The following ITGA6 variants were observed in gnomAD, a reference collection of about 807,000 sequenced individuals.
ITGA6 encodes the protein integrin alpha-6.
A neutral mutation model predicts 133.6 loss-of-function variants in ITGA6; 63 were observed. The ratio of observed to expected loss-of-function variants is 0.47; its 90% CI spans 0.38 to 0.58. The LOEUF is 0.58. Among genes scored for constraint, ITGA6 ranks in the 20% least tolerant of loss-of-function variants. ITGA6 has a pLI of 0.00. For synonymous variants in ITGA6, 434 were observed against 482.0 expected, an observed-to-expected ratio of 0.90 and a Z score of 1.30; for missense variants, 1,068 against 1,309.4, an observed-to-expected ratio of 0.82 and a Z score of 2.85.
At chr2:172,457,891 G>A (rs1173343975) in intron 1 of ITGA6, among the ~76,000 whole-genome samples, 1 of 152,208 alleles carries the variant, frequency 6.6e-6, no homozygotes, top group Admixed American at 6.5e-5. Context: ...TAGAGATTAT[G>A]AAGAAGCAGA....
chr2:172,430,569 G>T (rs3108779), intron 1 of ITGA6, among the ~76,000 whole-genome samples: 79,366 of 152,044 alleles, frequency 0.52, 21,009 homozygotes, highest in East Asian at 0.74. Context: ...TATCATAAAT[G>T]TTTGTAGTTC....
At chr2:172,465,691 C>G in intron 2 of ITGA6, 28 bp downstream of exon 2, 1 of 1,614,040 alleles carries the variant, frequency 6.2e-7, no homozygotes, top group Non-Finnish European at 8.5e-7. Context: ...ACTCAGCGTT[C>G]ACTCCGGCAG....
In ITGA6 at chr2:172,491,070, T is replaced by A; in HGVS notation, c.2726T>A (p.Ile909Lys). ...RKKREITEKQIDDNRKFSLFA... is the reference protein window; with the variant it reads ...RKKREITEKQKDDNRKFSLFA... ...AAACGGGAAATTACTGAAAAACAGATAGATGATAACAGAAAATTTTCTTTA... is the reference window on the plus strand; with the variant it reads ...AAACGGGAAATTACTGAAAAACAGAAAGATGATAACAGAAAATTTTCTTTA... The change falls in exon 21 of 26, where the codon ATA becomes AAA. Residue 909 changes from isoleucine to lysine, a missense_variant. By Grantham distance (102) the Ile-to-Lys change is moderately radical. This residue lies in a region of ITGA6 where 609 missense variants were observed against 707.2 expected (regional missense o/e 0.86). Coordinates refer to ENST00000684293, the MANE Select transcript of ITGA6 (RefSeq NM_000210.4). This position sits in a 1 kb window ranked among gnomAD's most constrained non-coding sequence, Gnocchi z 4.4. 1 of 1,594,552 alleles carries A rather than the reference T, an allele frequency of 6.3e-7. No homozygotes were observed. Among genetic ancestry groups the A allele is most frequent in the Non-Finnish European group, 8.6e-7 (1 of 1,162,440 alleles).
chr2:172,427,429 T>C (rs185356186), upstream of ITGA6: 3,323 of 1,031,236 alleles, frequency 3.2e-3, 78 homozygotes, highest in African/African-American at 0.048. Context: ...CGTCGTGGCT[T>C]CCGGGCAGGT....
At chr2:172,471,915 G>T (rs1438938064) in intron 5 of ITGA6, among the ~76,000 whole-genome samples, 3 of 147,564 alleles carry the variant, frequency 2.0e-5, no homozygotes, top group African/African-American at 7.6e-5. Context: ...AAAAGAAAGT[G>T]AAGAAAAGTA....
chr2:172,452,473 G>A (rs1685047773), intron 1 of ITGA6, among the ~76,000 whole-genome samples: 1 of 152,156 alleles, frequency 6.6e-6, no homozygotes, highest in South Asian at 2.1e-4. Flanking sequence ...CTGGGCACGT[G>A]CTTTTTGGAG....
Position 172,482,970 on chromosome 2 carries a change from A to G in ITGA6, c.1550-1812A>G, listed in dbSNP as rs116873711. The stretch of plus-strand genomic sequence containing the variant: ...TCAGGTGTTGTGCTAGTTGCTGGGG[A>G]CTGTGGTGGGGAATAAGACTGATGT... On this transcript the variant is annotated intron_variant, in intron 11 of 25. Transcript: ENST00000684293. Among the ~76,000 whole-genome samples, 792 of 152,166 alleles carry G rather than the reference A, an allele frequency of 5.2e-3. 20 individuals carry two copies. The highest frequency in any genetic ancestry group is 0.043 in the East Asian group (224 of 5,170).
At chr2:172,475,539 T>C (rs1686136319) in intron 7 of ITGA6, 58 bp from the exon 8 acceptor site, 1 of 933,930 alleles carries the variant, frequency 1.1e-6, no homozygotes, top group African/African-American at 1.6e-5. Flanking sequence ...TTTAAAACAT[T>C]TTACTAGAGT....
At chr2:172,438,387 G>A (rs576859051) in intron 1 of ITGA6, among the ~76,000 whole-genome samples, 2 of 151,694 alleles carry the variant, frequency 1.3e-5, no homozygotes, top group African/African-American at 4.8e-5. Flanking sequence ...TGGTGGAAGG[G>A]CATGGGGTTT....
At chr2:172,500,552 C>A (rs996774689) in intron 24 of ITGA6, among the ~76,000 whole-genome samples, 16 of 152,164 alleles carry the variant, frequency 1.1e-4, no homozygotes, top group African/African-American at 3.4e-4. Flanking sequence ...ATGGTGTGAA[C>A]CTGGGAGGTG....
chr2:172,476,690 T>C (rs1686189428), intron 9 of ITGA6, among the ~76,000 whole-genome samples, 177 bp downstream of exon 9: 1 of 152,226 alleles, frequency 6.6e-6, no homozygotes, highest in Non-Finnish European at 1.5e-5. Flanking sequence ...TTTTCTAAAA[T>C]CTTTTAAAGT....
rs531180574 is a variant in ITGA6, at chr2:172,446,386, C to T, written c.182+18416C>T. ...ATGAATCTTATTTTTTGAGTTAACA[C>T]TGATAATATTTATGCTTGGTACACT... On this transcript the variant is annotated intron_variant, in intron 1 of 25. Transcript: ENST00000684293. 2.0e-5 allele frequency among the ~76,000 whole-genome samples: 3 copies of T among 152,144 alleles called. No individual in the cohort carries two copies. The South Asian group carries it at 6.2e-4, about 32-fold the overall frequency.
chr2:172,491,204 C>G lies in ITGA6; in HGVS notation c.2779-17C>G. The G allele has an allele frequency of 6.5e-7, 1 of 1,548,502 alleles. No individual in the cohort carries two copies. Among genetic ancestry groups the G allele is most frequent in the Non-Finnish European group, 8.9e-7 (1 of 1,120,330 alleles). ...AGAACAATGTCTTTTGATGACCATT[C>G]TTCTTTTTCTCTCTAGAACTGTAGC... On this transcript the variant is annotated splice_polypyrimidine_tract_variant and intron_variant, in intron 21 of 25. Transcript: ENST00000684293. This position sits in a 1 kb window ranked among gnomAD's most constrained non-coding sequence, Gnocchi z 4.4.
At chr2:172,493,377 C>T (rs1318843313) in intron 23 of ITGA6, among the ~76,000 whole-genome samples, 2 of 152,162 alleles carry the variant, frequency 1.3e-5, no homozygotes, top group African/African-American at 4.8e-5. Context: ...ATAAAGGCAG[C>T]AGGTATAGCT....
At chr2:172,429,903 C>G (rs1684038699) in intron 1 of ITGA6, among the ~76,000 whole-genome samples, 1 of 152,162 alleles carries the variant, frequency 6.6e-6, no homozygotes, top group African/African-American at 2.4e-5. Flanking sequence ...TTGGTCTTCC[C>G]AGGAGAACCA....
At chr2:172,451,463 A>C (rs1163152419) in intron 1 of ITGA6, among the ~76,000 whole-genome samples, 2 of 95,938 alleles carry the variant, frequency 2.1e-5, no homozygotes, top group East Asian at 4.4e-4. Context: ...AGACTATCTT[A>C]AAAAAAAAAA....
At chr2:172,477,821 G>A (rs1686243363) in intron 9 of ITGA6, among the ~76,000 whole-genome samples, 1 of 152,228 alleles carries the variant, frequency 6.6e-6, no homozygotes, top group South Asian at 2.1e-4. Flanking sequence ...TGGAGCCTGA[G>A]AGGACAGAAT....
intron 1 of ITGA6, among the ~76,000 whole-genome samples, chr2:172,442,427 G>A (rs901577540): frequency 6.6e-6 from 1 of 152,216 alleles, no homozygotes; most frequent in African/African-American, 2.4e-5. Context: ...CTTTCTGAAA[G>A]GAGGATAGAC....
chr2:172,475,350 A>G (rs1379257730), intron 7 of ITGA6, among the ~76,000 whole-genome samples: 16 of 152,098 alleles, frequency 1.1e-4, no homozygotes. Flanking sequence ...AGCTACTCCC[A>G]GCTTTGGAAA....
Sources: allele counts gnomAD v4.1 joint callset (sites outside exome capture counted in the v4.1 genomes callset), GRCh38; gene constraint gnomAD v4.1.1; regional missense constraint gnomAD v4.1.1; non-coding constraint Gnocchi (gnomAD v3.1); transcripts MANE v1.5; gene names NCBI Gene and HGNC (gene_info 2026-07-23, HGNC 2026-07-21).